Variants in ERICH1 observed in about 807,000 individuals in gnomAD.
ERICH1 encodes the protein glutamate rich 1, also known as glutamate-rich protein 1.
In ERICH1, 56 loss-of-function variants were observed where a neutral mutation model predicts 39.6. That is an observed-to-expected ratio of 1.41 (90% CI 1.14 to 1.77). The LOEUF (loss-of-function observed/expected upper bound fraction) is 1.77. Ranked by LOEUF, ERICH1 falls within the 40% of genes most tolerant of loss-of-function variation. The pLI, the probability that ERICH1 is intolerant of heterozygous loss-of-function variation, is 0.00. For synonymous variants in ERICH1, 313 were observed against 223.6 expected (o/e 1.40, Z -3.57); for missense variants, 826 against 575.4 (o/e 1.44, Z -4.45).
intron 3 of ERICH1, among the ~76,000 whole-genome samples, chr8:688,207 C>A (rs1052507006): frequency 6.8e-6 from 1 of 147,792 alleles, no homozygotes; most frequent in South Asian, 2.2e-4. Flanking sequence ...GGCCCCTGAG[C>A]CGCCCACGCA....
chr8:720,368 C>T (rs150406257), intron 1 of ERICH1, among the ~76,000 whole-genome samples: 2 of 152,276 alleles, frequency 1.3e-5, no homozygotes, highest in East Asian at 1.9e-4. Flanking sequence ...GCTGGCACCG[C>T]GCCAGTGTCA....
At chr8:686,780 G>A (rs557694872) in intron 3 of ERICH1, 1 of 152,254 alleles carries the variant, frequency 6.6e-6, no homozygotes, top group East Asian at 1.9e-4. Context: ...GAGAGAGAGA[G>A]AGCGCGCACA....
intron 2 of ERICH1, among the ~76,000 whole-genome samples, chr8:701,058 C>G (rs553144265): frequency 6.6e-6 from 1 of 152,352 alleles, no homozygotes; most frequent in African/African-American, 2.4e-5. Flanking sequence ...GACACAAATG[C>G]AAACACATTT....
chr8:668,404 A>G (rs1238885106), intron 5 of ERICH1, 194 bp downstream of exon 5: 1 of 624,130 alleles, frequency 1.6e-6, no homozygotes, highest in Non-Finnish European at 2.8e-6. Context: ...TTCTGCATAT[A>G]TTATGTGAAA....
At chr8:643,420 C>A (rs557176122) in intron 3 of ERICH1, among the ~76,000 whole-genome samples, 2 of 152,270 alleles carry the variant, frequency 1.3e-5, no homozygotes, top group African/African-American at 4.8e-5. Flanking sequence ...CATGGCCCGG[C>A]TCTCATGGGA....
intron 2 of ERICH1, among the ~76,000 whole-genome samples, chr8:698,541 A>G (rs529482736): frequency 3.4e-4 from 52 of 152,036 alleles, no homozygotes; most frequent in African/African-American, 1.2e-3. Flanking sequence ...CCTGCCAGCA[A>G]TTTATGAGTA....
intron 3 of ERICH1, chr8:626,257 T>C (rs758969658): frequency 1.3e-5 from 2 of 152,180 alleles, no homozygotes; most frequent in African/African-American, 2.4e-5. Context: ...TTGGAAATTG[T>C]GATGGTTAAG....
chr8:688,480 G>C (rs921295909), intron 3 of ERICH1, among the ~76,000 whole-genome samples: 27 of 151,848 alleles, frequency 1.8e-4, no homozygotes, highest in Admixed American at 1.5e-3. Flanking sequence ...TCCCCAGCTA[G>C]GGTCAGCTCC....
intron 3 of ERICH1, among the ~76,000 whole-genome samples, chr8:638,856 C>T (rs1798672842): frequency 1.3e-5 from 2 of 152,274 alleles, no homozygotes; most frequent in South Asian, 4.1e-4. Flanking sequence ...ACCCGCTGCC[C>T]TTGTGCGCAA....
intron 3 of ERICH1, among the ~76,000 whole-genome samples, chr8:635,010 G>A (rs62486197): frequency 0.016 from 2,406 of 152,124 alleles, 29 homozygotes; most frequent in Middle Eastern, 0.027. Context: ...CCTGCAGCCT[G>A]GCCACCCGTG....
chr8:707,479 C>T (rs1813575747), intron 2 of ERICH1, among the ~76,000 whole-genome samples: 1 of 152,080 alleles, frequency 6.6e-6, no homozygotes, highest in African/African-American at 2.4e-5. Context: ...AGTGCTGGGA[C>T]TACAGGTGTG....
chr8:683,095 C>T (rs937050322), intron 3 of ERICH1, among the ~76,000 whole-genome samples: 4 of 152,132 alleles, frequency 2.6e-5, no homozygotes, highest in Non-Finnish European at 5.9e-5. Flanking sequence ...GCCAAGGAAA[C>T]ACTGGAGTCT....
At chr8:669,950 C>G (rs1208011419) in intron 4 of ERICH1, among the ~76,000 whole-genome samples, 8 of 152,128 alleles carry the variant, frequency 5.3e-5, no homozygotes, top group Non-Finnish European at 8.8e-5. Flanking sequence ...GTAAAACTCC[C>G]AAATGTCACA....
chr8:668,765 G>T lies in ERICH1; in HGVS notation c.1091C>A (p.Ala364Asp). Residue 364 changes from alanine (A) to aspartate (D), a missense_variant, in exon 5 of 6, where the codon GCC becomes GAC. Transcript: ENST00000262109. ...CAGCTCCTCAGCGGCATCTGCGAGG[G>T]CAGCTGAAGCTGCATCTCTGGAGAC... Reference protein sequence around the residue: ...DGVSRDAASAALADAAEELLD... With the variant: ...DGVSRDAASADLADAAEELLD... The T allele has an allele frequency of 1.2e-5, 20 of 1,611,414 alleles. No homozygotes were observed. The highest frequency in any genetic ancestry group is 1.7e-5 in the Non-Finnish European group (20 of 1,178,406).
At chr8:624,264 G>A (rs112252251) in intron 3 of ERICH1, among the ~76,000 whole-genome samples, 4,622 of 152,278 alleles carry the variant, frequency 0.03, 83 homozygotes, top group African/African-American at 0.046. Flanking sequence ...AGGATGTGAA[G>A]ATATCGGAAC....
rs1162977497 is a variant in ERICH1 at position 637,516 on chromosome 8, C to G, written c.977-22232G>C. 5 of 152,446 alleles carry G rather than the reference C, an allele frequency of 3.3e-5. No individual in the cohort carries two copies. The East Asian group carries it at 9.7e-4, about 29-fold the overall frequency. 9.4% of individuals were successfully genotyped at this position (152,446 alleles called of 1,614,324 possible). On this transcript the variant is annotated intron_variant, in intron 3 of 3. Transcript: ENST00000522706. ...TCGCCTACAATCAGAGCCCCACATG[C>G]CTGTTGTGGCTGTTTCTCCCGTGGA...
intron 2 of ERICH1, among the ~76,000 whole-genome samples, chr8:709,065 G>C (rs1174551277): frequency 6.6e-6 from 1 of 152,120 alleles, no homozygotes; most frequent in Non-Finnish European, 1.5e-5. Flanking sequence ...GTACAACAGT[G>C]TCAATATACT....
In ERICH1 at chr8:708,990, G is replaced by A. The variant is rs148496041; in HGVS notation, c.169+6871C>T. 4.1e-3 allele frequency among the ~76,000 whole-genome samples: 620 copies of A among 152,082 alleles called. 4 individuals are homozygous for A. The highest frequency in any genetic ancestry group is 0.014 in the African/African-American group (580 of 41,468). On this transcript the variant is annotated intron_variant, in intron 2 of 5. Coordinates refer to ENST00000262109, the MANE Select transcript of ERICH1 (RefSeq NM_207332.3). ...GATAACAGGGTGAGCCACTTTGCCC[G>A]GCCAAGTGTTTCTTTTTGGTGTGGT...
intron 3 of ERICH1, among the ~76,000 whole-genome samples, 187 bp downstream of exon 3, chr8:692,291 C>T (rs10112680): frequency 0.51 from 77,240 of 152,104 alleles, 19,609 homozygotes; most frequent in Middle Eastern, 0.61. Flanking sequence ...CATTACAAGT[C>T]TTTTAAGCAT....
Sources: gnomAD v4.1 joint callset for allele counts (sites outside exome capture counted in the v4.1 genomes callset) on GRCh38, gnomAD v4.1.1 for gene constraint, MANE v1.5 for transcripts, NCBI Gene and HGNC (gene_info 2026-07-23, HGNC 2026-07-21) for gene names.